The following HYCC1 variants were observed in gnomAD, a reference collection of about 807,000 sequenced individuals.
HYCC1 encodes the protein hyccin PI4KA lipid kinase complex subunit 1.
the HYCC1 span, chr7:22,937,537 G>A: frequency 6.6e-6 from 1 of 152,216 alleles, no homozygotes; most frequent in South Asian, 2.1e-4. Flanking sequence ...AATAATCAGA[G>A]TAAAGCTTTA....
At chr7:22,960,543 T>G in the HYCC1 span, 1 of 744,334 alleles carries the variant, frequency 1.3e-6, no homozygotes. Context: ...TTTTATAAGA[T>G]GATACAGAAA....
the HYCC1 span, among the ~76,000 whole-genome samples, chr7:22,950,246 A>T: frequency 1.3e-5 from 2 of 151,966 alleles, no homozygotes; most frequent in Non-Finnish European, 2.9e-5. Flanking sequence ...CCAAAGTTTT[A>T]ATAGCCCCCA....
chr7:22,934,925 A>G, the HYCC1 span: 4 of 152,210 alleles, frequency 2.6e-5, no homozygotes, highest in African/African-American at 7.2e-5. Context: ...AGCATAAACC[A>G]TGTTGTTTAT....
At chr7:22,999,395 T>C in the HYCC1 span, among the ~76,000 whole-genome samples, 2 of 152,198 alleles carry the variant, frequency 1.3e-5, no homozygotes, top group African/African-American at 4.8e-5. Flanking sequence ...ATAACTAACA[T>C]ACAAATGATA....
the HYCC1 span, among the ~76,000 whole-genome samples, chr7:22,929,121 G>A: frequency 3.9e-5 from 6 of 152,176 alleles, no homozygotes; most frequent in Admixed American, 1.3e-4. Flanking sequence ...ATGGTGCTGG[G>A]AAAACTGGCT....
At chr7:22,937,509 T>C in the HYCC1 span, 1 of 152,204 alleles carries the variant, frequency 6.6e-6, no homozygotes, top group African/African-American at 2.4e-5. Context: ...CAAAACATTT[T>C]TATGCAGGCA....
chr7:22,916,914 C>T, the HYCC1 span, among the ~76,000 whole-genome samples: 1 of 152,210 alleles, frequency 6.6e-6, no homozygotes, highest in Non-Finnish European at 1.5e-5. Context: ...CTTCCATATC[C>T]TGCACCACCA....
chr7:22,961,638 TTATA>T, the HYCC1 span, among the ~76,000 whole-genome samples: 2 of 152,136 alleles, frequency 1.3e-5, no homozygotes, highest in Admixed American at 6.6e-5. Context: ...GAATAATAAA[TTATA>T]TACCTTAGAA....
chr7:22,971,143 G>A, the HYCC1 span, among the ~76,000 whole-genome samples: 1 of 151,484 alleles, frequency 6.6e-6, no homozygotes, highest in African/African-American at 2.4e-5. Context: ...TTTTGGGATT[G>A]TTAATATAGC....
chr7:22,911,690 G>T, the HYCC1 span, among the ~76,000 whole-genome samples: 1 of 152,154 alleles, frequency 6.6e-6, no homozygotes, highest in African/African-American at 2.4e-5. Flanking sequence ...CCTGGGAGGC[G>T]GAGGTTGCAG....
the HYCC1 span, among the ~76,000 whole-genome samples, chr7:22,971,931 A>C: frequency 6.6e-6 from 1 of 152,222 alleles, no homozygotes; most frequent in Admixed American, 6.5e-5. Context: ...TGGGTTGTGA[A>C]GGATGGGCAA....
At chr7:22,987,556 A>G in the HYCC1 span, among the ~76,000 whole-genome samples, 3 of 152,202 alleles carry the variant, frequency 2.0e-5, no homozygotes, top group African/African-American at 7.2e-5. Context: ...TCAAATTTTA[A>G]AAAAAGAAAA....
the HYCC1 span, among the ~76,000 whole-genome samples, chr7:22,980,990 C>T: frequency 6.6e-6 from 1 of 152,200 alleles, no homozygotes; most frequent in African/African-American, 2.4e-5. Flanking sequence ...AGTTCCCTCT[C>T]CTGGAAGGCT....
At chr7:22,954,134 C>G in the HYCC1 span, among the ~76,000 whole-genome samples, 1 of 151,238 alleles carries the variant, frequency 6.6e-6, no homozygotes, top group Non-Finnish European at 1.5e-5. Flanking sequence ...GTTGTAAAAT[C>G]AGATTTACAA....
At chr7:22,919,177 C>T in the HYCC1 span, among the ~76,000 whole-genome samples, 1 of 152,132 alleles carries the variant, frequency 6.6e-6, no homozygotes, top group Non-Finnish European at 1.5e-5. Context: ...TAGACAAAGC[C>T]TTCAAAGTAG....
At chr7:22,903,424 G>C in the HYCC1 span, among the ~76,000 whole-genome samples, 2 of 152,090 alleles carry the variant, frequency 1.3e-5, no homozygotes, top group African/African-American at 4.8e-5. Context: ...GATTGTGAGA[G>C]AATATTATGA....
chr7:22,973,946 C>T, the HYCC1 span, among the ~76,000 whole-genome samples: 4 of 152,098 alleles, frequency 2.6e-5, no homozygotes, highest in Non-Finnish European at 1.5e-5. Flanking sequence ...TGTATTAGAA[C>T]ATCTATGGAG....
chr7:22,967,268 G>T, the HYCC1 span, among the ~76,000 whole-genome samples: 1 of 152,200 alleles, frequency 6.6e-6, no homozygotes, highest in Admixed American at 6.5e-5. Context: ...AACTCAGGTA[G>T]AAGAAGCGGA....
At chr7:22,957,455 AGAG>A in the HYCC1 span, among the ~76,000 whole-genome samples, 1 of 151,986 alleles carries the variant, frequency 6.6e-6, no homozygotes. Context: ...TAAAAGAAAA[AGAG>A]AAGAGCTCCA....
Sources: gnomAD v4.1 joint callset for allele counts (sites outside exome capture counted in the v4.1 genomes callset) on GRCh38, gnomAD v4.1.1 for gene constraint, MANE v1.5 for transcripts, NCBI Gene and HGNC (gene_info 2026-07-23, HGNC 2026-07-21) for gene names.